The following AWAT1 variants were observed in gnomAD, a reference collection of about 807,000 sequenced individuals.
AWAT1 encodes acyl-CoA wax alcohol acyltransferase 1, also known as diacyl-glycerol acyltransferase 2.
In AWAT1, 26 loss-of-function variants were observed where a neutral mutation model predicts 21.6. That is an observed-to-expected ratio of 1.20 (90% CI 0.88 to 1.67). The LOEUF (loss-of-function observed/expected upper bound fraction) is 1.67. AWAT1 is among the 40% of genes most tolerant of loss of function. The probability of loss-of-function intolerance (pLI) is 0.00; values close to 1 mark genes in which losing one functional copy is unlikely to be tolerated. For synonymous variants in AWAT1, 102 were observed against 99.3 expected, an observed-to-expected ratio of 1.03 and a Z score of -0.16; for missense variants, 264 against 249.4, an observed-to-expected ratio of 1.06 and a Z score of -0.39.
chrX:70,234,848 C>A, intron 1 of AWAT1, 77 bp downstream of exon 1: 2 of 898,184 alleles, frequency 2.2e-6, no homozygotes, highest in Non-Finnish European at 3.2e-6. Flanking sequence ...ACTTTTAGGG[C>A]CATGTGAAGT....
chrX:70,239,686 G>T (rs747269239), intron 5 of AWAT1, 49 bp from the exon 6 acceptor site: 1 of 1,055,798 alleles, frequency 9.5e-7, no homozygotes, highest in Admixed American at 2.2e-5. Context: ...TTCCAGGGTG[G>T]GTCTCATCCT....
intron 4 of AWAT1, among the ~76,000 whole-genome samples, chrX:70,237,831 CAAAAAAAAAAAAA>C (rs34212707): frequency 2.6e-4 from 5 of 19,376 alleles, no homozygotes; most frequent in Non-Finnish European, 4.2e-4. Context: ...AACTCTGTCT[CAAAAAAAAAAAAA>C]AAAAAAAAAA....
At chrX:70,235,329 G>A (rs2085509894) in intron 1 of AWAT1, among the ~76,000 whole-genome samples, 1 of 110,336 alleles carries the variant, frequency 9.1e-6, no homozygotes, top group Non-Finnish European at 1.9e-5. Flanking sequence ...GATATAGATA[G>A]TATAGGGGTG....
At chrX:70,234,864 T>A in intron 1 of AWAT1, 93 bp downstream of exon 1, 1 of 791,447 alleles carries the variant, frequency 1.3e-6, no homozygotes, top group Non-Finnish European at 1.9e-6. Context: ...GAAGTCTCAT[T>A]TTGAGCCTTT....
intron 3 of AWAT1, 55 bp downstream of exon 3, chrX:70,236,194 T>C: frequency 1.0e-6 from 1 of 966,637 alleles, no homozygotes; most frequent in Non-Finnish European, 1.5e-6. Flanking sequence ...GGTAGGCATT[T>C]ATACCACATG....
intron 4 of AWAT1, 151 bp downstream of exon 4, chrX:70,237,399 C>CA: frequency 1.9e-6 from 1 of 516,881 alleles, no homozygotes. Flanking sequence ...AGCTGCCTGG[C>CA]ATTGAACCCT....
rs1447124864 is a variant in AWAT1 at position 70,236,087 on chromosome X, G to A, written c.203G>A (p.Trp68Ter). Residue 68 changes from tryptophan to a stop codon, truncating the protein, a stop_gained, in exon 3 of 7, where the codon TGG becomes TAG. Coordinates refer to ENST00000374521, the MANE Select transcript of AWAT1 (RefSeq NM_001013579.3). LOFTEE classifies it high-confidence loss of function. ...TPERGGRRSAWVRNWCVWTHI... is the reference protein window; with the variant it reads ...TPERGGRRSA Reference sequence around the variant, plus strand: ...GCCTCAGGTGGCAGGCGTTCGGCCTGGGTAAGGAACTGGTGTGTCTGGACC... The same window carrying A: ...GCCTCAGGTGGCAGGCGTTCGGCCTAGGTAAGGAACTGGTGTGTCTGGACC... 5.0e-6 allele frequency: 6 copies of A among 1,209,174 alleles called. No homozygotes were observed. Among genetic ancestry groups the A allele is most frequent in the Non-Finnish European group, 6.7e-6 (6 of 894,540 alleles).
chrX:70,238,254 GC>G lies in AWAT1; in HGVS notation c.505del (p.His169MetfsTer10). On this transcript the variant is annotated frameshift_variant, in exon 5 of 7. Coordinates refer to ENST00000374521, the MANE Select transcript of AWAT1 (RefSeq NM_001013579.3). LOFTEE classifies it high-confidence loss of function. ...VSQPAINYLL[S>X]HGTGNLVGIV... ...CAGCCAGCCATCAACTATCTGCTGA[GC>G]CATGGCACTGGCAACCTCGTGGGCA... The G allele has an allele frequency of 8.3e-7, 1 of 1,210,994 alleles. No individual in the cohort carries two copies. Among genetic ancestry groups the G allele is most frequent in the Non-Finnish European group, 1.1e-6 (1 of 894,783 alleles).
Position 70,238,399 on chromosome X carries a change from A to G in AWAT1, c.632+16A>G, listed in dbSNP as rs774326349. ...TCCAGCATGGGTAGGTGTTCCCCAC[A>G]GAGGGGCAGTGCATGGTGTTCTCTG... On this transcript the variant is annotated intron_variant, in intron 5 of 6. Transcript: ENST00000374521. 1.1e-4 allele frequency: 130 copies of G among 1,167,648 alleles called. No homozygotes were observed. The highest frequency in any genetic ancestry group is 1.3e-4 in the Non-Finnish European group (116 of 868,415).
At chrX:70,239,957 G>C in intron 6 of AWAT1, 23 bp downstream of exon 6, 2 of 1,195,460 alleles carry the variant, frequency 1.7e-6, no homozygotes, top group Non-Finnish European at 2.3e-6. Flanking sequence ...CTCAGCCCCA[G>C]TGCCACCTCA....
chrX:70,240,483 CT>C lies in AWAT1; in HGVS notation c.*194del. ...TCTGAAGAGCTGCACACAGTCATTC[CT>C]CAAAGGAGGGCATCCTAGTGCCCCT... On this transcript the variant is annotated 3_prime_UTR_variant, in exon 7 of 7. Transcript: ENST00000374521. 8.9e-6 allele frequency: 4 copies of C among 448,299 alleles called. No individual in the cohort carries two copies. Among genetic ancestry groups the C allele is most frequent in the Middle Eastern group, 6.3e-4 (1 of 1,585 alleles). 36.9% of individuals were successfully genotyped at this position (448,299 alleles called of 1,213,427 possible). A position where few individuals can be genotyped will look rare whatever the true frequency, so the allele number is the denominator to read the frequency against.
chrX:70,238,148 G>A, intron 4 of AWAT1, 64 bp from the exon 5 acceptor site: 1 of 1,060,139 alleles, frequency 9.4e-7, no homozygotes. Flanking sequence ...GAAGAGCAGA[G>A]AAGAGTGTTC....
In AWAT1 at chrX:70,238,246, T is replaced by C; in HGVS notation, c.495T>C (p.Tyr165=). ...VCSVSQPAIN[Y]LLSHGTGNLV... ...CTGTGAGCCAGCCAGCCATCAACTA[T>C]CTGCTGAGCCATGGCACTGGCAACC... The change falls in exon 5 of 7, where the codon TAT becomes TAC. Residue 165 remains tyrosine (Y), a synonymous_variant. Coordinates refer to ENST00000374521, the MANE Select transcript of AWAT1 (RefSeq NM_001013579.3). 1 of 1,209,944 alleles carries C rather than the reference T, an allele frequency of 8.3e-7. No individual in the cohort carries two copies. Among genetic ancestry groups the C allele is most frequent in the Non-Finnish European group, 1.1e-6 (1 of 894,011 alleles).
rs757672787 is a variant in AWAT1, at chrX:70,237,195, C to G, written c.407C>G (p.Thr136Arg). 4 of 1,209,115 alleles carry G rather than the reference C, an allele frequency of 3.3e-6. No homozygotes were observed. The Admixed American group carries it at 8.7e-5, about 26-fold the overall frequency. ...TFPGITPHLA[T>R]LSWFFKIPFV... Reference sequence around the variant, plus strand: ...CCAGGCATCACTCCTCACTTGGCCACGCTGTCCTGGTTCTTCAAGATCCCC... The same window carrying G: ...CCAGGCATCACTCCTCACTTGGCCAGGCTGTCCTGGTTCTTCAAGATCCCC... Residue 136 changes from threonine (T) to arginine (R), a missense_variant, in exon 4 of 7, where the codon ACG becomes AGG. Thr to Arg is a moderately conservative substitution (Grantham distance 71). Coordinates refer to ENST00000374521, the MANE Select transcript of AWAT1 (RefSeq NM_001013579.3).
rs1174235395 is a variant in AWAT1, at chrX:70,235,830, C to T, written c.184+7C>T. On this transcript the variant is annotated splice_region_variant and intron_variant, in intron 2 of 6. Transcript: ENST00000374521. ...TGGAAGACCCCAGAGCGAGGTAAGA[C>T]TCACAGACCTAGAAAGAAGAATGTT... is the stretch of plus-strand genomic sequence containing the variant. 1 of 1,170,125 alleles carries T rather than the reference C, an allele frequency of 8.5e-7. No individual in the cohort carries two copies. The highest frequency in any genetic ancestry group is 3.0e-5 in the East Asian group (1 of 33,697).
chrX:70,240,352 C>T lies in AWAT1; in HGVS notation c.*62C>T. On this transcript the variant is annotated 3_prime_UTR_variant, in exon 7 of 7. Transcript: ENST00000374521. ...TGCCTTGAAGAAGAGACTCATCTGC[C>T]ACTAACCAAAGACAGGCAGGAGATG... 2 of 1,119,895 alleles carry T rather than the reference C, an allele frequency of 1.8e-6. No individual in the cohort carries two copies. 92.3% of individuals were successfully genotyped at this position (1,119,895 alleles called of 1,213,427 possible).
intron 4 of AWAT1, 131 bp from the exon 5 acceptor site, chrX:70,238,081 C>T: frequency 1.7e-6 from 1 of 583,390 alleles, no homozygotes; most frequent in African/African-American, 2.3e-5. Context: ...CTTCTCCACA[C>T]TCTTTAGTCC....
rs2085531165 is a variant in AWAT1, at chrX:70,239,952, C to T, written c.832+18C>T. On this transcript the variant is annotated intron_variant, in intron 6 of 6. Transcript: ENST00000374521. ...CACTGTGGGTGAGTGCCACTCTCAG[C>T]CCCAGTGCCACCTCAGGTTTCTCAA... 1.7e-6 allele frequency: 2 copies of T among 1,195,825 alleles called. No individual in the cohort carries two copies. Among genetic ancestry groups the T allele is most frequent in the South Asian group, 1.8e-5 (1 of 56,544 alleles).
At chrX:70,239,644 T>C in intron 5 of AWAT1, 91 bp from the exon 6 acceptor site, 3 of 828,781 alleles carry the variant, frequency 3.6e-6, no homozygotes, top group Non-Finnish European at 5.4e-6. Context: ...TTCATCAAAA[T>C]AGATGAGGGC....
Sources: allele counts gnomAD v4.1 joint callset (sites outside exome capture counted in the v4.1 genomes callset), GRCh38; gene constraint gnomAD v4.1.1; transcripts MANE v1.5; gene names NCBI Gene and HGNC (gene_info 2026-07-23, HGNC 2026-07-21).